Variants in NRXN1 observed in about 807,000 individuals in gnomAD.
NRXN1 encodes neurexin 1.
Under a neutral mutation model 150.9 loss-of-function variants are expected in NRXN1, and 39 were observed. The ratio of observed to expected loss-of-function variants is 0.26; its 90% CI spans 0.20 to 0.34. The LOEUF (loss-of-function observed/expected upper bound fraction) is 0.34. Ranked by LOEUF, NRXN1 falls within the 10% of genes least tolerant of loss-of-function variation. NRXN1 has a pLI of 1.00. For synonymous variants in NRXN1, 924 were observed against 757.0 expected, an observed-to-expected ratio of 1.22 and a Z score of -3.62; for missense variants, 1,815 against 1,949.9, an observed-to-expected ratio of 0.93 and a Z score of 1.30.
chr2:50,185,343 G>A (rs1177829946), intron 18 of NRXN1, among the ~76,000 whole-genome samples: 4 of 151,956 alleles, frequency 2.6e-5, no homozygotes, highest in Non-Finnish European at 4.4e-5. Context: ...AATCTCCTGG[G>A]TTCCGTTTCC....
At position 50,707,183 on chromosome 2, in the gene NRXN1, T is replaced by C. The variant is rs529143667; in HGVS notation, c.833-83568A>G. Among the ~76,000 whole-genome samples, 23 of 152,232 alleles carry C rather than the reference T, an allele frequency of 1.5e-4. 1 individual carries two copies. The highest frequency in any genetic ancestry group is 3.4e-3 in the Middle Eastern group (1 of 294). The stretch of plus-strand genomic sequence containing the variant: ...TGGCTTTCATCACCTTTGGAAGAAA[T>C]TGCATTTCCCAGTAAGCTGTTCCAC... On this transcript the variant is annotated intron_variant, in intron 5 of 22. Coordinates refer to ENST00000401669, the MANE Select transcript of NRXN1 (RefSeq NM_001330078.2).
Position 50,506,507 on chromosome 2 carries a change from G to T in NRXN1, c.2485C>A (p.Gln829Lys), listed in dbSNP as rs2092230058. The change falls in exon 13 of 23, where the codon CAG becomes AAG. Residue 829 changes from glutamine (Q) to lysine (K), a missense_variant. Gln to Lys is a moderately conservative substitution (Grantham distance 53). This residue lies in a region of NRXN1 where 638 missense variants were observed against 652.6 expected (regional missense o/e 0.98). Coordinates refer to ENST00000401669, the MANE Select transcript of NRXN1 (RefSeq NM_001330078.2). ...KSLKLTVDDQ[Q>K]AMTGQMAGDH... ...CAGAGGTGTTTACCTGTCATGGCCTGTTGGTCATCCACTGTTAACTTTAAA... is the reference window on the plus strand; with the variant it reads ...CAGAGGTGTTTACCTGTCATGGCCTTTTGGTCATCCACTGTTAACTTTAAA... The T allele has an allele frequency of 6.2e-7, 1 of 1,612,886 alleles. No individual in the cohort carries two copies. Among genetic ancestry groups the T allele is most frequent in the Non-Finnish European group, 8.5e-7 (1 of 1,179,290 alleles).
chr2:50,740,747 T>C (rs1010874136), intron 5 of NRXN1, among the ~76,000 whole-genome samples: 12 of 152,230 alleles, frequency 7.9e-5, no homozygotes, highest in African/African-American at 2.6e-4. Flanking sequence ...GTTCCTATAT[T>C]TAGTGTAGGA....
intron 15 of NRXN1, among the ~76,000 whole-genome samples, chr2:50,489,539 G>A (rs377056206): frequency 4.5e-4 from 68 of 152,024 alleles, no homozygotes; most frequent in African/African-American, 1.5e-3. Context: ...AGCTGTGCAG[G>A]TCAACCTCCC....
chr2:50,362,642 C>G lies in NRXN1; in HGVS notation c.3364+102800G>C, dbSNP rs567876451. Among the ~76,000 whole-genome samples, 13 of 152,258 alleles carry G rather than the reference C, an allele frequency of 8.5e-5. No individual in the cohort carries two copies. In the South Asian group the frequency reaches 1.9e-3, roughly 22 times the overall value. On this transcript the variant is annotated intron_variant, in intron 17 of 22. Coordinates refer to ENST00000401669, the MANE Select transcript of NRXN1 (RefSeq NM_001330078.2). Reference sequence around the variant, plus strand: ...TTCCATGCTCATGGATAGAGAGAATCAATATCGTGAAAATGGCCATACTGC... The same window carrying G: ...TTCCATGCTCATGGATAGAGAGAATGAATATCGTGAAAATGGCCATACTGC...
chr2:50,687,366 T>C (rs952467577), intron 5 of NRXN1, among the ~76,000 whole-genome samples: 6 of 152,178 alleles, frequency 3.9e-5, no homozygotes, highest in Admixed American at 6.5e-5. Flanking sequence ...CATAATACTA[T>C]CTTTTTTTTC....
chr2:50,446,226 T>C (rs2086390107), intron 17 of NRXN1, among the ~76,000 whole-genome samples: 1 of 152,184 alleles, frequency 6.6e-6, no homozygotes, highest in African/African-American at 2.4e-5. Flanking sequence ...TGGTGCCTTT[T>C]ACATTTTTGT....
chr2:50,290,892 C>T (rs988556497), intron 17 of NRXN1, among the ~76,000 whole-genome samples: 1 of 152,112 alleles, frequency 6.6e-6, no homozygotes, highest in African/African-American at 2.4e-5. Flanking sequence ...TGAGAGCTTT[C>T]GTCAAATGCG....
At chr2:50,249,778 T>C (rs1187602009) in intron 17 of NRXN1, among the ~76,000 whole-genome samples, 5 of 151,954 alleles carry the variant, frequency 3.3e-5, no homozygotes, top group South Asian at 4.2e-4. Context: ...GCTGGGATCA[T>C]AGATACGCGC....
At chr2:51,013,195 G>A (rs1440499136) in intron 2 of NRXN1, among the ~76,000 whole-genome samples, 1 of 151,998 alleles carries the variant, frequency 6.6e-6, no homozygotes, top group Non-Finnish European at 1.5e-5. Flanking sequence ...AGCTCAACCA[G>A]CTCAACAACG....
At chr2:50,427,413 C>T (rs571586525) in intron 17 of NRXN1, among the ~76,000 whole-genome samples, 2 of 150,240 alleles carry the variant, frequency 1.3e-5, no homozygotes. Context: ...CCATATCTCT[C>T]GCCTTTGCTG....
At chr2:50,283,087 T>C (rs1156874802) in intron 17 of NRXN1, among the ~76,000 whole-genome samples, 1 of 152,202 alleles carries the variant, frequency 6.6e-6, no homozygotes, top group East Asian at 1.9e-4. Flanking sequence ...GTATGCCTTC[T>C]TCATTGTTGA....
chr2:50,509,230 C>G (rs1193972942), intron 12 of NRXN1, among the ~76,000 whole-genome samples: 1 of 152,168 alleles, frequency 6.6e-6, no homozygotes, highest in Non-Finnish European at 1.5e-5. Flanking sequence ...TTATGAGAAT[C>G]TTTGGCTAAC....
At chr2:50,651,449 C>G (rs996417967) in intron 5 of NRXN1, among the ~76,000 whole-genome samples, 4 of 151,506 alleles carry the variant, frequency 2.6e-5, no homozygotes, top group Non-Finnish European at 5.9e-5. Context: ...CTCATCTCTA[C>G]CAAAAATAAC....
intron 2 of NRXN1, among the ~76,000 whole-genome samples, chr2:50,976,417 T>C (rs1695850990): frequency 6.6e-6 from 1 of 151,950 alleles, no homozygotes; most frequent in Non-Finnish European, 1.5e-5. Flanking sequence ...TTAATTGCTG[T>C]GTCATGCACA....
intron 2 of NRXN1, among the ~76,000 whole-genome samples, chr2:50,940,681 A>C (rs1689297551): frequency 6.6e-6 from 1 of 152,128 alleles, no homozygotes; most frequent in Admixed American, 6.6e-5. Flanking sequence ...AACTTGGCTA[A>C]AGTTTTTGTT....
chr2:50,270,797 G>C (rs2069510244), intron 17 of NRXN1, among the ~76,000 whole-genome samples: 2 of 151,604 alleles, frequency 1.3e-5, no homozygotes, highest in African/African-American at 4.8e-5. Context: ...AGCTTACCAA[G>C]TAGCTGCGGC....
At chr2:49,960,253 TC>T (rs942133186) in intron 21 of NRXN1, among the ~76,000 whole-genome samples, 4 of 152,318 alleles carry the variant, frequency 2.6e-5, no homozygotes, top group Admixed American at 2.0e-4. Flanking sequence ...TGTTTGCCAC[TC>T]ATTGTGTCCT....
intron 17 of NRXN1, among the ~76,000 whole-genome samples, chr2:50,381,147 G>A (rs1208535774): frequency 6.6e-6 from 1 of 152,064 alleles, no homozygotes; most frequent in Admixed American, 6.6e-5. Flanking sequence ...ACATGGATAA[G>A]CCCAAAGAGT....
Sources: gnomAD v4.1 joint callset for allele counts (sites outside exome capture counted in the v4.1 genomes callset) on GRCh38, gnomAD v4.1.1 for gene constraint, gnomAD v4.1.1 regional missense constraint, MANE v1.5 for transcripts, NCBI Gene and HGNC (gene_info 2026-07-23, HGNC 2026-07-21) for gene names.